LRBA: variants seen among roughly 807,000 people sequenced by gnomAD.
LRBA encodes LPS responsive beige-like anchor protein.
In LRBA, 176 loss-of-function variants were observed where a neutral mutation model predicts 330.0. The ratio of observed to expected loss-of-function variants is 0.53; its 90% CI spans 0.47 to 0.60. The LOEUF (loss-of-function observed/expected upper bound fraction) is 0.60, where lower values mean the gene tolerates loss of function less well. LRBA is among the 20% of genes least tolerant of loss of function. The pLI, the probability that LRBA is intolerant of heterozygous loss-of-function variation, is 0.00. For missense variants in LRBA, 3,259 were observed against 3,444.8 expected, an observed-to-expected ratio of 0.95 and a Z score of 1.35; for synonymous variants, 1,230 against 1,193.0, an observed-to-expected ratio of 1.03 and a Z score of -0.64.
intron 2 of LRBA, among the ~76,000 whole-genome samples, chr4:150,964,438 AAAG>A (rs933238738): frequency 6.7e-6 from 1 of 149,798 alleles, no homozygotes; most frequent in Non-Finnish European, 1.5e-5. Context: ...GTCTGTGTGG[AAAG>A]AAGTAGACAT....
chr4:150,309,430 G>A (rs1165569593), intron 52 of LRBA, among the ~76,000 whole-genome samples: 1 of 152,130 alleles, frequency 6.6e-6, no homozygotes, highest in Non-Finnish European at 1.5e-5. Context: ...ACACACGACT[G>A]TAGATCAATT....
At chr4:151,006,872 A>G (rs1471652821) in intron 2 of LRBA, among the ~76,000 whole-genome samples, 1 of 152,206 alleles carries the variant, frequency 6.6e-6, no homozygotes, top group African/African-American at 2.4e-5. Context: ...TATCATTAAT[A>G]TTAATATATA....
chr4:150,597,742 C>G (rs1773670592), intron 38 of LRBA, among the ~76,000 whole-genome samples: 1 of 151,856 alleles, frequency 6.6e-6, no homozygotes, highest in African/African-American at 2.4e-5. Context: ...AAAAAAAACC[C>G]TCTGAAATCT....
chr4:150,738,004 T>C (rs1002577687), intron 35 of LRBA, among the ~76,000 whole-genome samples: 1 of 149,100 alleles, frequency 6.7e-6, no homozygotes, highest in African/African-American at 2.5e-5. Context: ...TTTTTTTTTT[T>C]TTTCTGAGAC....
intron 47 of LRBA, among the ~76,000 whole-genome samples, chr4:150,388,821 T>A (rs986380436): frequency 6.6e-6 from 1 of 152,162 alleles, no homozygotes; most frequent in Non-Finnish European, 1.5e-5. Context: ...CAAATGAAGC[T>A]ATTTAAATTT....
chr4:150,690,317 C>T (rs778333256), intron 36 of LRBA, among the ~76,000 whole-genome samples: 1 of 152,098 alleles, frequency 6.6e-6, no homozygotes, highest in Non-Finnish European at 1.5e-5. Context: ...CCCTAGAAAA[C>T]AAGGTGAAAC....
chr4:150,305,931 A>G (rs572900810), intron 52 of LRBA, among the ~76,000 whole-genome samples: 4 of 152,300 alleles, frequency 2.6e-5, no homozygotes, highest in Non-Finnish European at 4.4e-5. Flanking sequence ...TGATAATCTT[A>G]TAAGTGTTCC....
intron 40 of LRBA, among the ~76,000 whole-genome samples, chr4:150,561,018 C>T (rs1768260783): frequency 6.6e-6 from 1 of 152,072 alleles, no homozygotes; most frequent in Non-Finnish European, 1.5e-5. Context: ...TCAGTAAATG[C>T]TAGCTGAAAC....
At chr4:150,626,945 TCATA>T (rs1243192886) in intron 37 of LRBA, among the ~76,000 whole-genome samples, 2 of 152,120 alleles carry the variant, frequency 1.3e-5, no homozygotes, top group Admixed American at 6.5e-5. Context: ...TCTTCTAAAA[TCATA>T]CATACATCAA....
At chr4:150,468,575 A>C (rs1423081088) in intron 43 of LRBA, among the ~76,000 whole-genome samples, 2 of 152,078 alleles carry the variant, frequency 1.3e-5, no homozygotes, top group Non-Finnish European at 2.9e-5. Flanking sequence ...TTCTGGAATC[A>C]AAATGCTGGT....
At chr4:150,361,078 G>C (rs1191368690) in intron 47 of LRBA, among the ~76,000 whole-genome samples, 1 of 152,118 alleles carries the variant, frequency 6.6e-6, no homozygotes, top group Non-Finnish European at 1.5e-5. Context: ...AATCTTTGCT[G>C]AAAGTCAGAT....
At chr4:150,274,723 C>A (rs1174730877) in intron 56 of LRBA, among the ~76,000 whole-genome samples, 1 of 152,178 alleles carries the variant, frequency 6.6e-6, no homozygotes, top group Non-Finnish European at 1.5e-5. Context: ...TGGGCACATA[C>A]ACCCTCCAAA....
chr4:150,297,009 C>T (rs1439025215), intron 53 of LRBA, among the ~76,000 whole-genome samples: 1 of 151,822 alleles, frequency 6.6e-6, no homozygotes, highest in Non-Finnish European at 1.5e-5. Context: ...AGACTAATGC[C>T]AACTATTGTT....
intron 28 of LRBA, among the ~76,000 whole-genome samples, chr4:150,843,637 G>A (rs1266386384): frequency 2.6e-5 from 4 of 152,222 alleles, no homozygotes; most frequent in South Asian, 4.2e-4. Context: ...AAAATAATAT[G>A]CCATTCAGAA....
chr4:150,293,946 A>G (rs754754076), intron 53 of LRBA, among the ~76,000 whole-genome samples: 12 of 152,176 alleles, frequency 7.9e-5, no homozygotes, highest in Admixed American at 3.9e-4. Flanking sequence ...AGCTTACTTT[A>G]TTATAAGAAC....
chr4:150,329,233 C>G (rs549044425), intron 48 of LRBA, among the ~76,000 whole-genome samples: 12 of 152,128 alleles, frequency 7.9e-5, no homozygotes, highest in Non-Finnish European at 1.2e-4. Context: ...TACTTCTTAA[C>G]GAACCTTTCA....
chr4:150,793,634 A>T lies in LRBA; in HGVS notation c.5580+4447T>A, dbSNP rs1186362357. ...AAAAAACACAGTGCTTGTCTTCAAG[A>T]AATTTGCAGTCTACATGGAAGAGAA... On this transcript the variant is annotated intron_variant, in intron 34 of 56. Transcript: ENST00000651943. Among the ~76,000 whole-genome samples, 3 of 152,202 alleles carry T rather than the reference A, an allele frequency of 2.0e-5. No homozygotes were observed. The East Asian group carries it at 5.8e-4, about 29-fold the overall frequency.
At chr4:150,742,320 G>A (rs1344392218) in intron 35 of LRBA, among the ~76,000 whole-genome samples, 1 of 151,468 alleles carries the variant, frequency 6.6e-6, no homozygotes, top group Non-Finnish European at 1.5e-5. Context: ...AAGTTATTTT[G>A]GTGGTGTTGT....
At chr4:150,887,313 C>G (rs1314740) in intron 17 of LRBA, among the ~76,000 whole-genome samples, 15 of 152,140 alleles carry the variant, frequency 9.9e-5, no homozygotes, top group African/African-American at 3.4e-4. Flanking sequence ...AGTTTCTATG[C>G]ACAAACTACA....
Sources: allele counts gnomAD v4.1 joint callset (sites outside exome capture counted in the v4.1 genomes callset), GRCh38; gene constraint gnomAD v4.1.1; transcripts MANE v1.5; gene names NCBI Gene and HGNC (gene_info 2026-07-23, HGNC 2026-07-21).